Variants in C1orf167 observed in about 807,000 individuals in gnomAD.
C1orf167 encodes chromosome 1 open reading frame 167.
C1orf167 carries 153 observed loss-of-function variants against 176.5 expected under a neutral mutation model. The ratio of observed to expected loss-of-function variants is 0.87; its 90% CI spans 0.76 to 0.99. C1orf167 has a LOEUF of 0.99. Ranked by LOEUF, C1orf167 falls within the 50% of genes least tolerant of loss-of-function variation. C1orf167 has a pLI of 0.00. For missense variants in C1orf167, 1,490 were observed against 1,817.7 expected (o/e 0.82, Z 3.28); for synonymous variants, 594 against 752.7 (o/e 0.79, Z 3.45).
chr1:11,781,693 G>A (rs1439120962), intron 13 of C1orf167, among the ~76,000 whole-genome samples: 1 of 152,106 alleles, frequency 6.6e-6, no homozygotes, highest in East Asian at 1.9e-4. Flanking sequence ...GGCGGATCAC[G>A]AGGTCAGGAG....
At position 11,766,834 on chromosome 1, in the gene C1orf167, C is replaced by T; in HGVS notation, c.1048C>T (p.Pro350Ser). 5 of 1,287,980 alleles carry T rather than the reference C, an allele frequency of 3.9e-6. No individual in the cohort carries two copies. The highest frequency in any genetic ancestry group is 5.1e-6 in the Non-Finnish European group (5 of 987,650). 79.8% of individuals were successfully genotyped at this position (1,287,980 alleles called of 1,614,324 possible). A position where few individuals can be genotyped will look rare whatever the true frequency, so the allele number is the denominator to read the frequency against. The change falls in exon 3 of 21, where the codon CCC becomes TCC. Residue 350 changes from proline to serine, a missense_variant. Physicochemically the swap from Pro to Ser is moderately conservative, Grantham distance 74 (BLOSUM62 -1). Coordinates refer to ENST00000688073, the MANE Select transcript of C1orf167 (RefSeq NM_001010881.2). The surrounding 1 kb of genome is among the most constrained non-coding windows in gnomAD (Gnocchi z 4.5). ...NPEQGLPPAH[P>S]LGSGDSCSPW... ...TGAGCAGGGGCTCCCTCCTGCCCACCCCCTAGGGTCAGGGGACAGCTGCTC... is the reference window on the plus strand; with the variant it reads ...TGAGCAGGGGCTCCCTCCTGCCCACTCCCTAGGGTCAGGGGACAGCTGCTC...
At chr1:11,770,372 G>T (rs896617194) in intron 6 of C1orf167, among the ~76,000 whole-genome samples, 23 of 151,758 alleles carry the variant, frequency 1.5e-4, no homozygotes, top group Admixed American at 1.0e-3. Flanking sequence ...AGGAGTAAAA[G>T]ATATTTCATT....
At position 11,772,112 on chromosome 1, in the gene C1orf167, G is replaced by A. The variant is rs556209034; in HGVS notation, c.1841G>A (p.Arg614Gln). 7.7e-6 allele frequency: 10 copies of A among 1,304,078 alleles called. No individual in the cohort carries two copies. Among genetic ancestry groups the A allele is most frequent in the South Asian group, 3.7e-5 (3 of 81,004 alleles). 80.8% of individuals were successfully genotyped at this position (1,304,078 alleles called of 1,614,324 possible). ...TTCCTGTGGTGCCAACAGAAGAAAC[G>A]GGCCAGACAGGAGAGGGAGACTCTG... is the stretch of plus-strand genomic sequence containing the variant. ...VFFLWCQQKK[R>Q]ARQERETLRK... Residue 614 changes from arginine (R) to glutamine (Q), a missense_variant, in exon 8 of 21, where the codon CGG (arginine) becomes CAG (glutamine). Coordinates refer to ENST00000688073, the MANE Select transcript of C1orf167 (RefSeq NM_001010881.2).
intron 12 of C1orf167, 191 bp from the exon 13 acceptor site, chr1:11,779,611 T>C (rs1643496296): frequency 2.9e-6 from 1 of 350,116 alleles, no homozygotes; most frequent in Non-Finnish European, 5.6e-6. Context: ...TCCCCACCAC[T>C]CATCATCGTG....
chr1:11,778,800 A>G lies in C1orf167; in HGVS notation c.2480A>G (p.Gln827Arg). 2 of 1,303,308 alleles carry G rather than the reference A, an allele frequency of 1.5e-6. No homozygotes were observed. Among genetic ancestry groups the G allele is most frequent in the Non-Finnish European group, 2.0e-6 (2 of 988,202 alleles). The allele number at this position is 1,303,308 out of a possible 1,614,324, so 80.7% of individuals were successfully genotyped here. A position where few individuals can be genotyped will look rare whatever the true frequency, so the allele number is the denominator to read the frequency against. The change falls in exon 11 of 21, where the codon CAA becomes CGA. Residue 827 changes from glutamine (Q) to arginine (R), a missense_variant. Physicochemically the swap from Gln to Arg is conservative, Grantham distance 43 (BLOSUM62 1). Coordinates refer to ENST00000688073, the MANE Select transcript of C1orf167 (RefSeq NM_001010881.2). ...GAGCCACTGAGCAGCAGCACACTCCAAGACTCTCTGGAGAAGGTGAGAGGT... is the reference window on the plus strand; with the variant it reads ...GAGCCACTGAGCAGCAGCACACTCCGAGACTCTCTGGAGAAGGTGAGAGGT... The part of the protein sequence containing the change: ...ALEPLSSSTL[Q>R]DSLEKVPRAP...
Position 11,784,427 on chromosome 1 carries a change from G to T in C1orf167, c.3259G>T (p.Ala1087Ser). The T allele has an allele frequency of 7.7e-7, 1 of 1,303,752 alleles. No homozygotes were observed. The highest frequency in any genetic ancestry group is 1.0e-6 in the Non-Finnish European group (1 of 988,894). The allele number at this position is 1,303,752 out of a possible 1,614,324, so 80.8% of individuals were successfully genotyped here. The part of the protein sequence containing the change: ...KKARAPQAFP[A>S]WPVAPGMHHE... ...GGCCCGGGCCCCACAGGCCTTCCCA[G>T]CATGGCCAGTGGCCCCGGGCATGCA... Residue 1087 changes from alanine to serine, a missense_variant, in exon 15 of 21, where the codon GCA becomes TCA. Coordinates refer to ENST00000688073, the MANE Select transcript of C1orf167 (RefSeq NM_001010881.2).
intron 1 of C1orf167, among the ~76,000 whole-genome samples, chr1:11,762,785 C>T (rs1031771427): frequency 6.6e-6 from 1 of 152,204 alleles, no homozygotes; most frequent in Admixed American, 6.5e-5. Context: ...AGGCATTGTT[C>T]TATGGGCTGC....
rs1168210720 is a variant in C1orf167, at chr1:11,785,256, CAG to C, written c.3535_3536del (p.Arg1179GlyfsTer67). On this transcript the variant is annotated frameshift_variant, in exon 16 of 21. Coordinates refer to ENST00000688073, the MANE Select transcript of C1orf167 (RefSeq NM_001010881.2). LOFTEE classifies it high-confidence loss of function. ...LRRFLRTVQL[R>X]VRLGLPGAGK... ...GGCGCTTCCTGCGGACAGTGCAGCT[CAG>C]GGTGCGGCTGGGACTGCCAGGGGCC... is the stretch of plus-strand genomic sequence containing the variant. The C allele has an allele frequency of 2.3e-6, 3 of 1,289,414 alleles. No homozygotes were observed. Among genetic ancestry groups the C allele is most frequent in the African/African-American group, 1.5e-5 (1 of 65,836 alleles). The allele number at this position is 1,289,414 out of a possible 1,614,324, so 79.9% of individuals were successfully genotyped here. A position where few individuals can be genotyped will look rare whatever the true frequency, so the allele number is the denominator to read the frequency against.
intron 13 of C1orf167, 122 bp downstream of exon 13, chr1:11,780,132 G>A: frequency 1.4e-6 from 1 of 697,684 alleles, no homozygotes; most frequent in Non-Finnish European, 2.0e-6. Context: ...TGAGGCAGAG[G>A]CTAAGCTACA....
chr1:11,785,589 C>A, intron 16 of C1orf167: 1 of 195,856 alleles, frequency 5.1e-6, no homozygotes, highest in Non-Finnish European at 1.1e-5. Flanking sequence ...CCTGGCACCT[C>A]TCGAGTGCCA....
chr1:11,788,866 C>A, intron 20 of C1orf167, 120 bp downstream of exon 20: 2 of 796,266 alleles, frequency 2.5e-6, no homozygotes, highest in African/African-American at 1.8e-5. Flanking sequence ...GGGGCCCCTT[C>A]GTTTTCAGGG....
rs140502331 is a variant in C1orf167, at chr1:11,782,157, C to T, written c.2861-32C>T. ...CATGGGGAGAGGCTGGGGTGAGCAC[C>T]CAGTGGCTCTTCAGCATCTCTCTGG... On this transcript the variant is annotated intron_variant, in intron 13 of 20. Coordinates refer to ENST00000688073, the MANE Select transcript of C1orf167 (RefSeq NM_001010881.2). 474 of 1,244,886 alleles carry T rather than the reference C, an allele frequency of 3.8e-4. 10 individuals are homozygous for T. The African/African-American group carries it at 6.3e-3, about 17-fold the overall frequency. 77.1% of individuals were successfully genotyped at this position (1,244,886 alleles called of 1,614,324 possible).
rs768782965 is a variant in C1orf167, at chr1:11,766,702, G to A, written c.916G>A (p.Ala306Thr). 7 of 1,289,662 alleles carry A rather than the reference G, an allele frequency of 5.4e-6. No individual in the cohort carries two copies. Among genetic ancestry groups the A allele is most frequent in the African/African-American group, 1.5e-5 (1 of 65,826 alleles). The allele number at this position is 1,289,662 out of a possible 1,614,324, so 79.9% of individuals were successfully genotyped here. Residue 306 changes from alanine to threonine, a missense_variant, in exon 3 of 21, where the codon GCG becomes ACG. Physicochemically the swap from Ala to Thr is moderately conservative, Grantham distance 58. Coordinates refer to ENST00000688073, the MANE Select transcript of C1orf167 (RefSeq NM_001010881.2). The surrounding 1 kb of genome is among the most constrained non-coding windows in gnomAD (Gnocchi z 4.5). Reference protein sequence around the residue: ...RRRLRGHRETAAFLETPASLS... With the variant: ...RRRLRGHRETTAFLETPASLS... ...ACGCCTTCGAGGCCACAGGGAAACT[G>A]CGGCTTTCTTGGAGACCCCGGCTAG...
chr1:11,784,683 G>A (rs1643761185), intron 15 of C1orf167, 90 bp downstream of exon 15: 1 of 1,169,990 alleles, frequency 8.5e-7, no homozygotes, highest in Non-Finnish European at 1.1e-6. Context: ...GTAATTCATG[G>A]CTGGGTGGCA....
Position 11,776,546 on chromosome 1 carries a change from C to A in C1orf167, c.2247C>A (p.Gly749=), listed in dbSNP as rs1364745260. 1.6e-6 allele frequency: 2 copies of A among 1,283,816 alleles called. No homozygotes were observed. The highest frequency in any genetic ancestry group is 2.0e-6 in the Non-Finnish European group (2 of 980,316). 79.5% of individuals were successfully genotyped at this position (1,283,816 alleles called of 1,614,324 possible). Residue 749 remains glycine, a synonymous_variant, in exon 10 of 21, where the codon GGC becomes GGA. Coordinates refer to ENST00000688073, the MANE Select transcript of C1orf167 (RefSeq NM_001010881.2). The stretch of plus-strand genomic sequence containing the variant: ...AGGCCCAGGGGCAGCAGGAGCAAGG[C>A]CGGGGCTCCCTGCAGGATGCCTGCT... ...VGQAQGQQEQ[G]RGSLQDACWT...
chr1:11,782,908 G>C (rs1293262877), intron 14 of C1orf167, among the ~76,000 whole-genome samples: 2 of 107,276 alleles, frequency 1.9e-5, no homozygotes, highest in African/African-American at 7.0e-5. Flanking sequence ...GACAGTGCGA[G>C]ACTCCATCTC....
intron 10 of C1orf167, 72 bp downstream of exon 10, chr1:11,776,710 G>A: frequency 1.8e-6 from 2 of 1,129,110 alleles, no homozygotes; most frequent in Non-Finnish European, 2.3e-6. Flanking sequence ...GCAGTGCTCA[G>A]CACCAGGAGG....
rs1392202651 is a variant in C1orf167 at position 11,766,202 on chromosome 1, C to T, written c.416C>T (p.Pro139Leu). 7.8e-7 allele frequency: 1 copy of T among 1,289,750 alleles called. No individual in the cohort carries two copies. The highest frequency in any genetic ancestry group is 2.3e-5 in the Admixed American group (1 of 43,562). 79.9% of individuals were successfully genotyped at this position (1,289,750 alleles called of 1,614,324 possible). A position where few individuals can be genotyped will look rare whatever the true frequency, so the allele number is the denominator to read the frequency against. The change falls in exon 3 of 21, where the codon CCT (proline) becomes CTT (leucine). Residue 139 changes from proline to leucine, a missense_variant. Pro to Leu is a moderately conservative substitution (Grantham distance 98). Coordinates refer to ENST00000688073, the MANE Select transcript of C1orf167 (RefSeq NM_001010881.2). The surrounding 1 kb of genome is among the most constrained non-coding windows in gnomAD (Gnocchi z 4.5). ...AGCAGCCCCCACCTCTGCCCAGAGC[C>T]TGGGGGAAGCTCTGGGCCCCACAAG... ...ETSSPHLCPEPGGSSGPHKLP... is the reference protein window; with the variant it reads ...ETSSPHLCPELGGSSGPHKLP...
At chr1:11,785,112 T>G (rs11586659) in intron 15 of C1orf167, 36 bp from the exon 16 acceptor site, 758,622 of 1,170,874 alleles carry the variant, frequency 0.65, 230,819 homozygotes, top group East Asian at 0.8. Context: ...TCCTGGCCTT[T>G]ATGGCCCTGG....
Sources: gnomAD v4.1 joint callset for allele counts (sites outside exome capture counted in the v4.1 genomes callset) on GRCh38, gnomAD v4.1.1 for gene constraint, Gnocchi (gnomAD v3.1) non-coding constraint, MANE v1.5 for transcripts, NCBI Gene and HGNC (gene_info 2026-07-23, HGNC 2026-07-21) for gene names.